DOK5: variants seen among roughly 807,000 people sequenced by gnomAD.
DOK5 encodes downstream of tyrosine kinase 5.
DOK5 carries 27 observed loss-of-function variants against 43.3 expected under a neutral mutation model. That is an observed-to-expected ratio of 0.62 (90% CI 0.46 to 0.86). The LOEUF (loss-of-function observed/expected upper bound fraction) is 0.86. DOK5 is among the 40% of genes least tolerant of loss of function. The pLI, the probability that DOK5 is intolerant of heterozygous loss-of-function variation, is 0.00. For missense variants in DOK5, 373 were observed against 392.9 expected (o/e 0.95, Z 0.43); for synonymous variants, 146 against 140.1 (o/e 1.04, Z -0.30).
chr20:54,556,199 G>A (rs1600699901), intron 2 of DOK5, among the ~76,000 whole-genome samples: 1 of 152,192 alleles, frequency 6.6e-6, no homozygotes, highest in Non-Finnish European at 1.5e-5. Flanking sequence ...TCATTTCCCT[G>A]TCACCCCATG....
intron 2 of DOK5, among the ~76,000 whole-genome samples, chr20:54,580,695 CA>C (rs1985611799): frequency 6.6e-6 from 1 of 152,054 alleles, no homozygotes; most frequent in African/African-American, 2.4e-5. Flanking sequence ...GACATTTGCC[CA>C]TTTTAAAATT....
intron 2 of DOK5, among the ~76,000 whole-genome samples, chr20:54,569,548 A>G (rs1182383129): frequency 3.9e-5 from 6 of 152,230 alleles, no homozygotes; most frequent in Non-Finnish European, 8.8e-5. Context: ...TGGACGAAAC[A>G]GTCTTAGAAG....
intron 2 of DOK5, among the ~76,000 whole-genome samples, chr20:54,573,221 G>T (rs1176588884): frequency 6.6e-6 from 1 of 152,152 alleles, no homozygotes; most frequent in Non-Finnish European, 1.5e-5. Flanking sequence ...GTCACTGATG[G>T]TAGGGTGAGA....
intron 6 of DOK5, among the ~76,000 whole-genome samples, chr20:54,643,168 G>A (rs796240872): frequency 3.9e-5 from 6 of 152,318 alleles, no homozygotes; most frequent in African/African-American, 1.4e-4. Context: ...CAACCCTAAA[G>A]TGAATGGGGG....
chr20:54,618,502 C>T (rs557156541), intron 6 of DOK5, among the ~76,000 whole-genome samples: 1 of 152,236 alleles, frequency 6.6e-6, no homozygotes, highest in South Asian at 2.1e-4. Flanking sequence ...TGCCAGCACG[C>T]CTGGCTAATT....
chr20:54,650,250 TG>T (rs1365671272), intron 7 of DOK5, among the ~76,000 whole-genome samples, 164 bp from the exon 8 acceptor site: 2 of 152,236 alleles, frequency 1.3e-5, no homozygotes, highest in Non-Finnish European at 2.9e-5. Flanking sequence ...ACGTAAATCA[TG>T]CAATCTCTGT....
rs927310523 is a variant in DOK5, at chr20:54,646,397, G to C, written c.856+2819G>C. Among the ~76,000 whole-genome samples the C allele has an allele frequency of 3.9e-5, 6 of 151,914 alleles. No individual in the cohort carries two copies. The South Asian group carries it at 1.3e-3, about 32-fold the overall frequency. On this transcript the variant is annotated intron_variant, in intron 7 of 7. Transcript: ENST00000262593. ...GCCTACCAAATAGCTGGGACTACAGGTGTGTGCCACCAAGCCCAGCTAATT... is the reference window on the plus strand; with the variant it reads ...GCCTACCAAATAGCTGGGACTACAGCTGTGTGCCACCAAGCCCAGCTAATT...
chr20:54,629,410 C>T (rs148345323), intron 6 of DOK5, among the ~76,000 whole-genome samples: 4 of 152,288 alleles, frequency 2.6e-5, no homozygotes, highest in Non-Finnish European at 5.9e-5. Context: ...AAAATATAAA[C>T]AGTGCAAAAG....
chr20:54,570,338 G>A (rs971738489), intron 2 of DOK5, among the ~76,000 whole-genome samples: 7 of 152,152 alleles, frequency 4.6e-5, no homozygotes, highest in African/African-American at 9.6e-5. Context: ...TGAAGACAAC[G>A]TACAAAAGTT....
intron 1 of DOK5, among the ~76,000 whole-genome samples, chr20:54,525,587 C>G (rs8119041): frequency 0.028 from 4,196 of 152,162 alleles, 175 homozygotes; most frequent in African/African-American, 0.096. Flanking sequence ...GATGTTAAAG[C>G]CTGTTACTCA....
chr20:54,516,977 A>G (rs1468505419), intron 1 of DOK5, among the ~76,000 whole-genome samples: 1 of 152,210 alleles, frequency 6.6e-6, no homozygotes, highest in East Asian at 1.9e-4. Flanking sequence ...GAGTTCCTTG[A>G]AAGCCATGCT....
intron 7 of DOK5, among the ~76,000 whole-genome samples, chr20:54,646,607 G>T (rs754363608): frequency 6.6e-6 from 1 of 152,128 alleles, no homozygotes; most frequent in South Asian, 2.1e-4. Context: ...AGATTTAAAA[G>T]ATGTTCACAG....
At chr20:54,594,950 G>A (rs1173678430) in intron 5 of DOK5, among the ~76,000 whole-genome samples, 5 of 152,186 alleles carry the variant, frequency 3.3e-5, no homozygotes, top group African/African-American at 1.2e-4. Flanking sequence ...AGTGCTGTAG[G>A]AAACCATAGA....
chr20:54,585,852 T>G (rs1985787068), intron 2 of DOK5, among the ~76,000 whole-genome samples: 1 of 152,222 alleles, frequency 6.6e-6, no homozygotes, highest in Non-Finnish European at 1.5e-5. Context: ...CCGGGTGCAG[T>G]GGCTCACGCC....
intron 6 of DOK5, among the ~76,000 whole-genome samples, chr20:54,619,026 TATATATATATATATATATATA>T (rs1568814426): frequency 0.11 from 4,516 of 42,808 alleles, 425 homozygotes; most frequent in African/African-American, 0.21. Flanking sequence ...CAATAAATTA[TATATATATATATATATATATA>T]TATATATATA....
intron 6 of DOK5, among the ~76,000 whole-genome samples, chr20:54,622,589 C>G (rs1162429785): frequency 1.3e-5 from 2 of 152,208 alleles, no homozygotes; most frequent in Admixed American, 6.5e-5. Context: ...ACTTGTTTTG[C>G]TGACAGATCG....
chr20:54,524,792 A>G (rs1255898381), intron 1 of DOK5, among the ~76,000 whole-genome samples: 2 of 152,164 alleles, frequency 1.3e-5, no homozygotes. Context: ...AATTTTCACT[A>G]AGACAGTTTG....
intron 2 of DOK5, among the ~76,000 whole-genome samples, chr20:54,583,524 A>C (rs1286872340): frequency 6.6e-6 from 1 of 152,052 alleles, no homozygotes; most frequent in East Asian, 1.9e-4. Context: ...TCTCTCTTCA[A>C]TTCTATCAAT....
chr20:54,612,932 G>C (rs892446479), intron 6 of DOK5, among the ~76,000 whole-genome samples: 6 of 152,158 alleles, frequency 3.9e-5, no homozygotes, highest in Non-Finnish European at 8.8e-5. Context: ...TGTAAAATGG[G>C]AAGGGTAATA....
Sources: allele counts gnomAD v4.1 joint callset (sites outside exome capture counted in the v4.1 genomes callset), GRCh38; gene constraint gnomAD v4.1.1; transcripts MANE v1.5; gene names NCBI Gene and HGNC (gene_info 2026-07-23, HGNC 2026-07-21).